PCDHA2: variants seen among roughly 807,000 people sequenced by gnomAD.
PCDHA2 encodes the protein protocadherin alpha-2.
PCDHA2 carries 58 observed loss-of-function variants against 66.0 expected under a neutral mutation model. That is an observed-to-expected ratio of 0.88 (90% CI 0.71 to 1.09). The LOEUF (loss-of-function observed/expected upper bound fraction) is 1.09. Ranked by LOEUF, PCDHA2 falls within the 50% of genes least tolerant of loss-of-function variation. The probability of loss-of-function intolerance (pLI) is 0.00; values close to 1 mark genes in which losing one functional copy is unlikely to be tolerated. For missense variants in PCDHA2, 1,267 were observed against 1,242.3 expected, an observed-to-expected ratio of 1.02 and a Z score of -0.30; for synonymous variants, 634 against 554.0, an observed-to-expected ratio of 1.14 and a Z score of -2.03.
At chr5:140,889,231 T>G (rs1456128446) in intron 1 of PCDHA2, among the ~76,000 whole-genome samples, 2 of 151,912 alleles carry the variant, frequency 1.3e-5, no homozygotes, top group Non-Finnish European at 2.9e-5. Flanking sequence ...TTTGAAAACT[T>G]CCAGAAAATT....
At chr5:140,918,967 C>T (rs1461992761) in intron 1 of PCDHA2, among the ~76,000 whole-genome samples, 1 of 152,164 alleles carries the variant, frequency 6.6e-6, no homozygotes, top group Non-Finnish European at 1.5e-5. Context: ...AGACAGATAT[C>T]GTTTAGGTTA....
intron 1 of PCDHA2, chr5:140,966,362 A>C: frequency 2.5e-6 from 1 of 400,494 alleles, no homozygotes; most frequent in Non-Finnish European, 4.4e-6. Flanking sequence ...GGGGCTGGAG[A>C]GGCTGAGCAG....
intron 1 of PCDHA2, chr5:140,803,475 TC>T: frequency 1.2e-6 from 2 of 1,614,154 alleles, no homozygotes; most frequent in Non-Finnish European, 1.7e-6. Flanking sequence ...GAGGGTGTGC[TC>T]TGGAGAGGGG....
intron 1 of PCDHA2, among the ~76,000 whole-genome samples, chr5:140,901,970 G>T (rs1178784932): frequency 1.3e-5 from 2 of 151,954 alleles, no homozygotes; most frequent in Non-Finnish European, 2.9e-5. Context: ...TCGTAAATGG[G>T]ATTACTTTTT....
chr5:140,875,160 C>A, intron 1 of PCDHA2: 1 of 339,568 alleles, frequency 2.9e-6, no homozygotes, highest in Non-Finnish European at 5.1e-6. Flanking sequence ...GAAAAATAAC[C>A]CAAAGTCGAA....
At chr5:140,872,306 G>A (rs897321353) in intron 1 of PCDHA2, among the ~76,000 whole-genome samples, 4 of 151,928 alleles carry the variant, frequency 2.6e-5, no homozygotes, top group African/African-American at 9.7e-5. Context: ...CTTATATGCT[G>A]CTTTATGGAA....
At chr5:140,815,777 T>C (rs1554126875) in intron 1 of PCDHA2, 1 of 152,220 alleles carries the variant, frequency 6.6e-6, no homozygotes, top group African/African-American at 2.4e-5. Flanking sequence ...CTAATTGTGA[T>C]CACCTTCAGC....
At chr5:140,862,417 T>A (rs77196804) in intron 1 of PCDHA2, 1 of 351,262 alleles carries the variant, frequency 2.8e-6, no homozygotes, top group East Asian at 7.4e-5. Context: ...CAAAAGGCGC[T>A]GCCCAGAAAC....
chr5:140,893,433 G>A (rs1441735373), intron 1 of PCDHA2, among the ~76,000 whole-genome samples: 3 of 152,006 alleles, frequency 2.0e-5, no homozygotes, highest in African/African-American at 4.8e-5. Context: ...CAGGAAGATC[G>A]CTTGAAGCCA....
Position 140,850,693 on chromosome 5 carries a change from C to G in PCDHA2, c.2388+53341C>G, listed in dbSNP as rs138234390. On this transcript the variant is annotated intron_variant, in intron 1 of 3. Coordinates refer to ENST00000526136, the MANE Select transcript of PCDHA2 (RefSeq NM_018905.3). ...GCGATGCCCACCGAGGGCGAGTGCG[C>G]GCCTGGCAAGCCGACGCTGGTGTGT... 2.8e-3 allele frequency: 4,547 copies of G among 1,598,322 alleles called. 355 individuals carry two copies. In the South Asian group the frequency reaches 0.039, roughly 14 times the overall value.
intron 1 of PCDHA2, among the ~76,000 whole-genome samples, chr5:140,855,580 ATAT>A (rs1320529577): frequency 6.7e-6 from 1 of 149,924 alleles, no homozygotes; most frequent in Non-Finnish European, 1.5e-5. Flanking sequence ...ATTTAATAAA[ATAT>A]TAGTATACTC....
chr5:140,802,184 AATGTCAG>A (rs1554121927), intron 1 of PCDHA2: 1 of 1,614,226 alleles, frequency 6.2e-7, no homozygotes. Context: ...GAAATCCCCC[AATGTCAG>A]ATCACTGCAC....
Position 140,797,228 on chromosome 5 carries a change from G to A in PCDHA2, c.2264G>A (p.Arg755Gln), listed in dbSNP as rs547468977. 10 of 1,614,202 alleles carry A rather than the reference G, an allele frequency of 6.2e-6. No homozygotes were observed. The South Asian group carries it at 7.7e-5, about 12-fold the overall frequency. Residue 755 changes from arginine (R) to glutamine (Q), a missense_variant, in exon 1 of 4, where the codon CGG becomes CAG. Transcript: ENST00000526136. ...AGCTGGTCTTACTCGCAGCAGAGGC[G>A]GCAGAGGGTGTGCTCTGGGGAGGAC... ...VGSWSYSQQR[R>Q]QRVCSGEDPP...
intron 1 of PCDHA2, among the ~76,000 whole-genome samples, chr5:140,888,040 T>C (rs1338203545): frequency 6.6e-6 from 1 of 152,222 alleles, no homozygotes; most frequent in Non-Finnish European, 1.5e-5. Context: ...TTAGTACATG[T>C]ATAATAGATG....
intron 1 of PCDHA2, chr5:140,850,488 G>T: frequency 6.3e-7 from 1 of 1,598,176 alleles, no homozygotes. Context: ...CACGGCCACT[G>T]TGCTGGTGTC....
At chr5:140,943,200 G>A (rs2093432800) in intron 1 of PCDHA2, among the ~76,000 whole-genome samples, 1 of 140,910 alleles carries the variant, frequency 7.1e-6, no homozygotes, top group Non-Finnish European at 1.5e-5. Context: ...GGAGGCTGCA[G>A]TAAGCCAAGA....
chr5:140,969,281 A>C, intron 1 of PCDHA2: 5 of 1,614,220 alleles, frequency 3.1e-6, no homozygotes, highest in Non-Finnish European at 3.4e-6. Context: ...AAGTGGTCAG[A>C]ATGCTGGGAA....
chr5:140,807,858 G>A, intron 1 of PCDHA2: 1 of 1,614,144 alleles, frequency 6.2e-7, no homozygotes, highest in South Asian at 1.1e-5. Flanking sequence ...GAGTTGACTG[G>A]CACCGTTCAG....
At chr5:140,843,042 G>C in intron 1 of PCDHA2, 1 of 1,595,168 alleles carries the variant, frequency 6.3e-7, no homozygotes, top group Non-Finnish European at 8.6e-7. Context: ...GGTGGCACTG[G>C]TGGCGCAGCG....
Sources: allele counts gnomAD v4.1 joint callset (sites outside exome capture counted in the v4.1 genomes callset), GRCh38; gene constraint gnomAD v4.1.1; transcripts MANE v1.5; gene names NCBI Gene and HGNC (gene_info 2026-07-23, HGNC 2026-07-21).